PCDH15: variants seen among roughly 807,000 people sequenced by gnomAD.
PCDH15 encodes the protein protocadherin related 15.
A neutral mutation model predicts 178.5 loss-of-function variants in PCDH15; 129 were observed. That is an observed-to-expected ratio of 0.72 (90% confidence interval 0.63 to 0.84). The LOEUF is 0.84. Ranked by LOEUF, PCDH15 falls within the 40% of genes least tolerant of loss-of-function variation. The pLI is 0.00. For missense variants in PCDH15, 2,230 were observed against 2,099.9 expected, an observed-to-expected ratio of 1.06 and a Z score of -1.21; for synonymous variants, 800 against 732.0, an observed-to-expected ratio of 1.09 and a Z score of -1.50.
intron 11 of PCDH15, 62 bp from the exon 12 acceptor site, chr10:54,185,330 C>G: frequency 6.3e-7 from 1 of 1,576,650 alleles, no homozygotes; most frequent in Non-Finnish European, 8.7e-7. Context: ...TAGTTCATTA[C>G]CTAGAAGTTA....
intron 2 of PCDH15, among the ~76,000 whole-genome samples, chr10:55,159,855 G>GT (rs951385019): frequency 2.2e-3 from 325 of 148,056 alleles, no homozygotes; most frequent in African/African-American, 3.7e-3. Context: ...GCAAACGACG[G>GT]TTTTTTTTTC....
At chr10:53,840,282 T>C in intron 29 of PCDH15, 38 bp downstream of exon 29, 1 of 1,590,776 alleles carries the variant, frequency 6.3e-7, no homozygotes. Context: ...GTTGCTATTG[T>C]AACCAAAGAG....
chr10:54,940,615 C>G (rs1838037703), intron 2 of PCDH15, among the ~76,000 whole-genome samples: 1 of 152,032 alleles, frequency 6.6e-6, no homozygotes, highest in Non-Finnish European at 1.5e-5. Context: ...GTTCCATCTA[C>G]TGTTGAAAGT....
At chr10:54,443,964 ATCT>A (rs1292696108) in intron 3 of PCDH15, among the ~76,000 whole-genome samples, 1 of 151,806 alleles carries the variant, frequency 6.6e-6, no homozygotes, top group East Asian at 1.9e-4. Context: ...CATGTTTAAA[ATCT>A]TCTTATTGAA....
intron 1 of PCDH15, among the ~76,000 whole-genome samples, chr10:55,278,599 A>G (rs1193721745): frequency 6.6e-6 from 1 of 152,240 alleles, no homozygotes; most frequent in East Asian, 1.9e-4. Context: ...CCATATCAAC[A>G]GTAGGATTAG....
At chr10:55,412,244 G>A (rs1204675351) in intron 2 of PCDH15, among the ~76,000 whole-genome samples, 2 of 151,954 alleles carry the variant, frequency 1.3e-5, no homozygotes, top group African/African-American at 4.8e-5. Flanking sequence ...TTGAGATGCA[G>A]TTGACTAGTT....
At chr10:55,280,784 A>G (rs1392869715) in intron 1 of PCDH15, among the ~76,000 whole-genome samples, 1 of 152,186 alleles carries the variant, frequency 6.6e-6, no homozygotes, top group Non-Finnish European at 1.5e-5. Context: ...ATTCACATTT[A>G]TAAATTGTCC....
chr10:55,104,603 G>T (rs908410659), intron 2 of PCDH15, among the ~76,000 whole-genome samples: 1 of 152,186 alleles, frequency 6.6e-6, no homozygotes. Flanking sequence ...TGGTGTAGCT[G>T]CAGTGATGAC....
rs532492510 is a variant in PCDH15 at position 53,857,116 on chromosome 10, A to G, written c.3806+59T>C. ...CTGAATCTAAAATAAAATTTAAAAA[A>G]TACAGTTAAAAATCATGGTCATATA... On this transcript the variant is annotated intron_variant, in intron 28 of 37. Transcript: ENST00000644397. 1.7e-5 allele frequency: 21 copies of G among 1,216,386 alleles called. No individual in the cohort carries two copies. In the East Asian group the frequency reaches 5.0e-4, roughly 29 times the overall value. The allele number at this position is 1,216,386 out of a possible 1,614,324, so 75.3% of individuals were successfully genotyped here. A position where few individuals can be genotyped will look rare whatever the true frequency, so the allele number is the denominator to read the frequency against.
intron 3 of PCDH15, among the ~76,000 whole-genome samples, chr10:54,872,854 T>A (rs2131796750): frequency 6.6e-6 from 1 of 152,162 alleles, no homozygotes; most frequent in South Asian, 2.1e-4. Context: ...TGACATCTCA[T>A]TTCAAAAAAA....
At chr10:54,176,331 A>T (rs1296300373) in intron 13 of PCDH15, among the ~76,000 whole-genome samples, 1 of 152,172 alleles carries the variant, frequency 6.6e-6, no homozygotes, top group East Asian at 1.9e-4. Flanking sequence ...TGGGAGATAC[A>T]GTTGATAGCT....
rs922095623 is a variant in PCDH15 at position 54,854,114 on chromosome 10, C to T, written c.-29+43336G>A. Among the ~76,000 whole-genome samples, 18 of 152,264 alleles carry T rather than the reference C, an allele frequency of 1.2e-4. No homozygotes were observed. In the East Asian group the frequency reaches 2.3e-3, roughly 20 times the overall value. ...AGTCATGAGAGCTGCTGCAGCGGGA[C>T]GGGCAGCTCCTGATGCTAACATAGG... is the stretch of plus-strand genomic sequence containing the variant. On this transcript the variant is annotated intron_variant, in intron 3 of 5. Transcript: ENST00000458638.
intron 2 of PCDH15, among the ~76,000 whole-genome samples, chr10:55,359,608 G>A (rs1033546320): frequency 1.3e-5 from 2 of 151,306 alleles, no homozygotes; most frequent in Admixed American, 6.6e-5. Flanking sequence ...AATGAAATCA[G>A]TATGTCATAG....
chr10:55,081,321 C>A (rs572815811), intron 2 of PCDH15, among the ~76,000 whole-genome samples: 1 of 152,214 alleles, frequency 6.6e-6, no homozygotes, highest in South Asian at 2.1e-4. Flanking sequence ...CCCTAGTCAG[C>A]CAGCTTGAAA....
intron 1 of PCDH15, among the ~76,000 whole-genome samples, chr10:55,230,184 A>T (rs1435566307): frequency 6.6e-6 from 1 of 152,074 alleles, no homozygotes; most frequent in East Asian, 1.9e-4. Flanking sequence ...TCCTTCAAAA[A>T]GATCACAGAT....
At chr10:54,417,968 C>A (rs1238465968) in intron 3 of PCDH15, among the ~76,000 whole-genome samples, 2 of 152,014 alleles carry the variant, frequency 1.3e-5, no homozygotes, top group African/African-American at 4.8e-5. Context: ...AGTAGCTATT[C>A]AAAGGTGCAA....
intron 25 of PCDH15, among the ~76,000 whole-genome samples, chr10:53,909,099 G>A (rs963952085): frequency 6.6e-6 from 1 of 152,170 alleles, no homozygotes; most frequent in African/African-American, 2.4e-5. Context: ...GAACCTGGTG[G>A]GAGGTGATCA....
intron 3 of PCDH15, among the ~76,000 whole-genome samples, chr10:54,519,855 C>A (rs1372109200): frequency 6.6e-6 from 1 of 152,028 alleles, no homozygotes. Context: ...GTACTGGTAC[C>A]AAAACAGAGA....
At chr10:54,505,610 A>AAC (rs1334749005) in intron 3 of PCDH15, among the ~76,000 whole-genome samples, 3 of 151,984 alleles carry the variant, frequency 2.0e-5, no homozygotes, top group African/African-American at 7.2e-5. Flanking sequence ...AACACATGGA[A>AAC]ACAGGGAGGG....
Sources: gnomAD v4.1 joint callset for allele counts (sites outside exome capture counted in the v4.1 genomes callset) on GRCh38, gnomAD v4.1.1 for gene constraint, MANE v1.5 for transcripts, NCBI Gene and HGNC (gene_info 2026-07-23, HGNC 2026-07-21) for gene names.